Variants in BRINP3 observed in about 807,000 individuals in gnomAD.
The protein encoded by BRINP3 is BMP/retinoic acid-inducible neural-specific protein 3.
BRINP3 carries 19 observed loss-of-function variants against 71.0 expected under a neutral mutation model. That is an observed-to-expected ratio of 0.27 (90% confidence interval 0.19 to 0.39). The LOEUF (loss-of-function observed/expected upper bound fraction) is 0.39, where lower values mean the gene tolerates loss of function less well. BRINP3 is among the 10% of genes least tolerant of loss of function. BRINP3 has a pLI of 1.00. For synonymous variants in BRINP3, 380 were observed against 337.7 expected (o/e 1.13, Z -1.37); for missense variants, 959 against 940.8 (o/e 1.02, Z -0.25).
At chr1:190,452,938 A>G (rs897522694) in intron 2 of BRINP3, among the ~76,000 whole-genome samples, 1 of 152,136 alleles carries the variant, frequency 6.6e-6, no homozygotes, top group African/African-American at 2.4e-5. Flanking sequence ...CAACAATCAC[A>G]CATAAGACAG....
At chr1:190,375,361 C>G (rs1294890918) in intron 2 of BRINP3, among the ~76,000 whole-genome samples, 1 of 151,574 alleles carries the variant, frequency 6.6e-6, no homozygotes, top group Non-Finnish European at 1.5e-5. Context: ...CACTTATGAC[C>G]ATGTACTGGA....
At chr1:190,395,327 T>C (rs2102326661) in intron 2 of BRINP3, among the ~76,000 whole-genome samples, 1 of 151,780 alleles carries the variant, frequency 6.6e-6, no homozygotes, top group South Asian at 2.1e-4. Flanking sequence ...GTGTTGAAAA[T>C]AGCAAAACCT....
chr1:190,416,314 C>T (rs887407428), intron 2 of BRINP3, among the ~76,000 whole-genome samples: 1 of 152,056 alleles, frequency 6.6e-6, no homozygotes, highest in African/African-American at 2.4e-5. Flanking sequence ...GCCAAGTTTT[C>T]AATCTGTTGA....
At chr1:190,116,943 C>T (rs1653188290) in intron 7 of BRINP3, among the ~76,000 whole-genome samples, 1 of 151,972 alleles carries the variant, frequency 6.6e-6, no homozygotes, top group South Asian at 2.1e-4. Context: ...TACAGTTATT[C>T]TCAACTTAAA....
intron 2 of BRINP3, among the ~76,000 whole-genome samples, chr1:190,350,230 A>G (rs1668290144): frequency 6.6e-6 from 1 of 152,134 alleles, no homozygotes; most frequent in African/African-American, 2.4e-5. Context: ...TCGCTCTACA[A>G]ATCTCCTTAA....
chr1:190,339,503 G>C (rs10920699), intron 2 of BRINP3, among the ~76,000 whole-genome samples: 2,383 of 151,984 alleles, frequency 0.016, 57 homozygotes, highest in African/African-American at 0.054. Context: ...GTAATTGAAG[G>C]TCAGGCAGAT....
chr1:190,112,207 C>A (rs1571729528), intron 7 of BRINP3, among the ~76,000 whole-genome samples: 2 of 152,190 alleles, frequency 1.3e-5, no homozygotes, highest in African/African-American at 4.8e-5. Flanking sequence ...TACATGAAAG[C>A]TTTTTAGTGC....
At chr1:190,207,665 T>A (rs1655628866) in intron 6 of BRINP3, among the ~76,000 whole-genome samples, 1 of 152,116 alleles carries the variant, frequency 6.6e-6, no homozygotes, top group Non-Finnish European at 1.5e-5. Context: ...GAAATATATA[T>A]TTTACAAACA....
At chr1:190,236,552 T>C (rs748681489) in intron 4 of BRINP3, among the ~76,000 whole-genome samples, 7 of 151,968 alleles carry the variant, frequency 4.6e-5, no homozygotes, top group African/African-American at 1.4e-4. Flanking sequence ...AGATTGACTA[T>C]GTGTAAATAG....
chr1:190,476,912 C>T (rs139558553), intron 1 of BRINP3, among the ~76,000 whole-genome samples: 1,837 of 152,314 alleles, frequency 0.012, 16 homozygotes, highest in South Asian at 0.035. Context: ...CATTCAGTGG[C>T]ATTTTAGTGC....
intron 2 of BRINP3, among the ~76,000 whole-genome samples, chr1:190,423,772 A>G (rs547291842): frequency 6.6e-6 from 1 of 151,790 alleles, no homozygotes; most frequent in South Asian, 2.1e-4. Context: ...ATACATATAC[A>G]CACAACTCCT....
chr1:190,477,264 C>G (rs1156759974), intron 1 of BRINP3, among the ~76,000 whole-genome samples, 184 bp downstream of exon 1: 3 of 152,058 alleles, frequency 2.0e-5, no homozygotes, highest in African/African-American at 7.2e-5. Context: ...TGGGGTAATA[C>G]ATTACATGGG....
At chr1:190,300,197 T>C (rs1664571719) in intron 2 of BRINP3, among the ~76,000 whole-genome samples, 3 of 152,280 alleles carry the variant, frequency 2.0e-5, no homozygotes, top group Admixed American at 1.3e-4. Context: ...CAATCAGACA[T>C]AGATTTGGTC....
intron 1 of BRINP3, among the ~76,000 whole-genome samples, chr1:190,471,746 C>T (rs904082453): frequency 1.3e-5 from 2 of 151,310 alleles, no homozygotes; most frequent in African/African-American, 4.8e-5. Context: ...TATAAATCTG[C>T]TAAGAAATCA....
At chr1:190,403,778 T>C (rs1460101166) in intron 2 of BRINP3, among the ~76,000 whole-genome samples, 2 of 152,234 alleles carry the variant, frequency 1.3e-5, no homozygotes, top group Admixed American at 6.5e-5. Context: ...TCTCTGGATA[T>C]TTGACTATAA....
At chr1:190,340,626 A>G (rs1667592596) in intron 2 of BRINP3, among the ~76,000 whole-genome samples, 1 of 151,880 alleles carries the variant, frequency 6.6e-6, no homozygotes, top group Non-Finnish European at 1.5e-5. Context: ...ATTTACTGGA[A>G]CTTCAGTGGC....
chr1:190,367,287 T>C (rs1669568652), intron 2 of BRINP3, among the ~76,000 whole-genome samples: 2 of 152,132 alleles, frequency 1.3e-5, no homozygotes, highest in South Asian at 4.1e-4. Flanking sequence ...GTGAAAGCTG[T>C]CTGAAGCAAT....
At chr1:190,225,714 A>G (rs1160771122) in intron 6 of BRINP3, among the ~76,000 whole-genome samples, 1 of 152,020 alleles carries the variant, frequency 6.6e-6, no homozygotes, top group African/African-American at 2.4e-5. Context: ...TGAAAAAGGT[A>G]TAGAACAAAT....
chr1:190,174,055 GC>G (rs1652267215), intron 6 of BRINP3, among the ~76,000 whole-genome samples: 1 of 152,154 alleles, frequency 6.6e-6, no homozygotes, highest in Non-Finnish European at 1.5e-5. Flanking sequence ...TCAGGGACCA[GC>G]AGATTTCTCC....
Sources: gnomAD v4.1 joint callset for allele counts (sites outside exome capture counted in the v4.1 genomes callset) on GRCh38, gnomAD v4.1.1 for gene constraint, MANE v1.5 for transcripts, NCBI Gene and HGNC (gene_info 2026-07-23, HGNC 2026-07-21) for gene names.